COL5A3: variants seen among roughly 807,000 people sequenced by gnomAD.
COL5A3 encodes collagen type V alpha 3 chain, also known as collagen alpha-3(V) chain.
A neutral mutation model predicts 250.0 loss-of-function variants in COL5A3; 172 were observed. The observed-to-expected ratio is 0.69, with a 90% CI of 0.61 to 0.78. The LOEUF (loss-of-function observed/expected upper bound fraction) is 0.78. Among genes scored for constraint, COL5A3 ranks in the 30% least tolerant of loss-of-function variants. COL5A3 has a pLI of 0.00. For missense variants in COL5A3, 2,340 were observed against 2,334.4 expected, an observed-to-expected ratio of 1.00 and a Z score of -0.05; for synonymous variants, 937 against 900.4, an observed-to-expected ratio of 1.04 and a Z score of -0.73.
In COL5A3 at chr19:10,010,362, GCCCA is replaced by G; in HGVS notation, c.20_23del (p.Leu7ProfsTer28). On this transcript the variant is annotated frameshift_variant, in exon 1 of 67. Coordinates refer to ENST00000264828, the MANE Select transcript of COL5A3 (RefSeq NM_015719.4). LOFTEE classifies it high-confidence loss of function. ...GCAGGCAGAGACCGGCCCGCGGCTG[GCCCA>G]GGTCCCGGCGGTTCCCCATCCCGGC... The G allele has an allele frequency of 6.8e-7, 1 of 1,461,772 alleles. No individual in the cohort carries two copies. The highest frequency in any genetic ancestry group is 1.5e-5 in the African/African-American group (1 of 68,158). The allele number at this position is 1,461,772 out of a possible 1,614,324, so 90.6% of individuals were successfully genotyped here. A position where few individuals can be genotyped will look rare whatever the true frequency, so the allele number is the denominator to read the frequency against.
intron 41 of COL5A3, 66 bp downstream of exon 41, chr19:9,978,508 C>G (rs2086955000): frequency 1.8e-6 from 2 of 1,090,084 alleles, no homozygotes; most frequent in East Asian, 4.9e-5. Flanking sequence ...ATGACAATGT[C>G]AAGCTTCCAA....
At position 9,960,660 on chromosome 19, in the gene COL5A3, A is replaced by T. The variant is rs1230861738; in HGVS notation, c.5082T>A (p.Asp1694Glu). 1 of 1,613,798 alleles carries T rather than the reference A, an allele frequency of 6.2e-7. No individual in the cohort carries two copies. Among genetic ancestry groups the T allele is most frequent in the Non-Finnish European group, 8.5e-7 (1 of 1,180,006 alleles). Residue 1694 changes from aspartate to glutamate, a missense_variant, in exon 66 of 67, where the codon GAT becomes GAA. Physicochemically the swap from Asp to Glu is conservative, Grantham distance 45. This residue lies in a region of COL5A3 where 1,179 missense variants were observed against 1,162.6 expected (regional missense o/e 1.01). Coordinates refer to ENST00000264828, the MANE Select transcript of COL5A3 (RefSeq NM_015719.4). ...TTAATVSVPQ[D>E]GCRLRKGQTK... is the part of the protein sequence containing the mutation. ...TGCCCCACCCTCTTACCCGGCAGCC[A>T]TCCTGGGGGACGCTGACAGTGGCTG...
At chr19:9,982,344 G>A (rs1053186187) in intron 31 of COL5A3, among the ~76,000 whole-genome samples, 9 of 152,040 alleles carry the variant, frequency 5.9e-5, no homozygotes, top group Non-Finnish European at 1.3e-4. Context: ...GTCTTTGGCT[G>A]AAATGCTTGT....
rs373840575 is a variant in COL5A3 at position 9,976,624 on chromosome 19, G to C, written c.3289-13C>G. ...GTCCAGGTGGGCCCTGGGAGAACAG[G>C]AAACAGAATCAAAAATTCCCTCAGG... On this transcript the variant is annotated splice_polypyrimidine_tract_variant and intron_variant, in intron 44 of 66. Transcript: ENST00000264828. 1 of 1,573,128 alleles carries C rather than the reference G, an allele frequency of 6.4e-7. No homozygotes were observed. Among genetic ancestry groups the C allele is most frequent in the African/African-American group, 1.4e-5 (1 of 72,698 alleles).
chr19:9,989,280 C>T (rs374068160), intron 26 of COL5A3, 42 bp downstream of exon 26: 15 of 1,613,522 alleles, frequency 9.3e-6, no homozygotes, highest in Admixed American at 3.3e-5. Flanking sequence ...CCCTGCCTCC[C>T]GACCCTCGTC....
chr19:9,967,373 C>A lies in COL5A3; in HGVS notation c.4432G>T (p.Gly1478Ter). Residue 1478 changes from glycine (G) to a stop codon, truncating the protein, a stop_gained, in exon 62 of 67, where the codon GGA becomes TGA. Transcript: ENST00000264828. LOFTEE classifies it high-confidence loss of function. ...PGSMGPRGDTGPAGPPGPPGA... is the reference protein window; with the variant it reads ...PGSMGPRGDT ...GGGGGGCCTGGTGGGCCTGCAGGTCCAGTGTCTCCACGGGGGCCCATGGAC... is the reference window on the plus strand; with the variant it reads ...GGGGGGCCTGGTGGGCCTGCAGGTCAAGTGTCTCCACGGGGGCCCATGGAC... The A allele has an allele frequency of 6.8e-7, 1 of 1,466,362 alleles. No individual in the cohort carries two copies. Among genetic ancestry groups the A allele is most frequent in the Non-Finnish European group, 8.9e-7 (1 of 1,117,706 alleles). The allele number at this position is 1,466,362 out of a possible 1,614,324, so 90.8% of individuals were successfully genotyped here. A position where few individuals can be genotyped will look rare whatever the true frequency, so the allele number is the denominator to read the frequency against.
At chr19:9,997,888 C>G in intron 10 of COL5A3, 96 bp downstream of exon 10, 1 of 1,365,914 alleles carries the variant, frequency 7.3e-7, no homozygotes, top group Non-Finnish European at 1.0e-6. Flanking sequence ...TCCACTTGGC[C>G]AGGCAACATT....
intron 52 of COL5A3, 35 bp from the exon 53 acceptor site, chr19:9,971,063 T>C (rs2086839085): frequency 1.3e-6 from 2 of 1,482,958 alleles, no homozygotes; most frequent in Admixed American, 2.5e-5. Context: ...GGAGGGGTGA[T>C]GAGGGTACGT....
intron 45 of COL5A3, 146 bp from the exon 46 acceptor site, chr19:9,974,554 T>A (rs1313425750): frequency 3.4e-6 from 2 of 582,016 alleles, no homozygotes; most frequent in Non-Finnish European, 5.8e-6. Context: ...GGAGTTGGGG[T>A]CTAGGTTAAG....
In COL5A3 at chr19:9,997,983, C is replaced by T. The variant is rs776131325; in HGVS notation, c.1200+1G>A. On this transcript the variant is annotated splice_donor_variant, in intron 10 of 66. Coordinates refer to ENST00000264828, the MANE Select transcript of COL5A3 (RefSeq NM_015719.4). LOFTEE classifies it high-confidence loss of function. ...AAGAAGGAAACACAGCCATGACTTACTTGGGGTCCTGGGGCTCCTGGAGGT... is the reference window on the plus strand; with the variant it reads ...AAGAAGGAAACACAGCCATGACTTATTTGGGGTCCTGGGGCTCCTGGAGGT... The T allele has an allele frequency of 1.9e-6, 3 of 1,614,092 alleles. No individual in the cohort carries two copies. The highest frequency in any genetic ancestry group is 2.2e-5 in the South Asian group (2 of 91,072).
rs576683390 is a variant in COL5A3 at position 9,960,076 on chromosome 19, TG to T, written c.*334del. ...GGAGTGAGGAGGCAGGCATTGGGGG[TG>T]GGGGGGCTTTTGTTCATCAGCTCTG... On this transcript the variant is annotated 3_prime_UTR_variant, in exon 67 of 67. Coordinates refer to ENST00000264828, the MANE Select transcript of COL5A3 (RefSeq NM_015719.4). 128 of 200,646 alleles carry T rather than the reference TG, an allele frequency of 6.4e-4. No individual in the cohort carries two copies. The highest frequency in any genetic ancestry group is 2.7e-3 in the African/African-American group (67 of 24,944). The allele number at this position is 200,646 out of a possible 1,614,324, so 12.4% of individuals were successfully genotyped here.
intron 65 of COL5A3, among the ~76,000 whole-genome samples, chr19:9,961,748 C>CG (rs1402831652): frequency 2.0e-5 from 3 of 151,746 alleles, no homozygotes; most frequent in South Asian, 2.1e-4. Flanking sequence ...TTAGTAGAGA[C>CG]GGGGTTTCAC....
rs1342264171 is a variant in COL5A3, at chr19:9,989,378, A to T, written c.2047-12T>A. 1.9e-6 allele frequency: 3 copies of T among 1,613,992 alleles called. No individual in the cohort carries two copies. The African/African-American group carries it at 4.0e-5, about 22-fold the overall frequency. On this transcript the variant is annotated splice_polypyrimidine_tract_variant and intron_variant, in intron 25 of 66. Transcript: ENST00000264828. ...TGTCCTGGGTGACCCTGGGGAAGAAACATTCTCAGTTGTCAGAGACCAAAA... is the reference window on the plus strand; with the variant it reads ...TGTCCTGGGTGACCCTGGGGAAGAATCATTCTCAGTTGTCAGAGACCAAAA...
chr19:9,992,879 C>A lies in COL5A3; in HGVS notation c.1796G>T (p.Gly599Val). Reference sequence around the variant, plus strand: ...TCTGGGGCCAAGCAGTCCTCGTGGACCCTGCAAGGGAGCAGGCGAATTATT... The same window carrying A: ...TCTGGGGCCAAGCAGTCCTCGTGGAACCTGCAAGGGAGCAGGCGAATTATT... ...PGPTGQAGEP[G>V]PRGLLGPRGS... Residue 599 changes from glycine to valine, a missense_variant and splice_region_variant, in exon 21 of 67, where the codon GGT becomes GTT. Transcript: ENST00000264828. The A allele has an allele frequency of 6.2e-7, 1 of 1,614,052 alleles. No individual in the cohort carries two copies. The highest frequency in any genetic ancestry group is 8.5e-7 in the Non-Finnish European group (1 of 1,179,918).
chr19:9,968,470 A>G lies in COL5A3; in HGVS notation c.4229T>C (p.Leu1410Pro). The G allele has an allele frequency of 6.3e-7, 1 of 1,587,824 alleles. No individual in the cohort carries two copies. The highest frequency in any genetic ancestry group is 8.5e-7 in the Non-Finnish European group (1 of 1,173,252). Reference sequence around the variant, plus strand: ...ACCAGCTTCTCCCGGGGGGCCAATGAGACCGATCAATCCAATGTGGCCCTG... The same window carrying G: ...ACCAGCTTCTCCCGGGGGGCCAATGGGACCGATCAATCCAATGTGGCCCTG... ...GEKGHIGLIG[L>P]IGPPGEAGEK... The change falls in exon 59 of 67, where the codon CTC (leucine) becomes CCC (proline). Residue 1410 changes from leucine to proline, a missense_variant. Physicochemically the swap from Leu to Pro is moderately conservative, Grantham distance 98 (BLOSUM62 -3). Transcript: ENST00000264828. This position sits in a 1 kb window ranked among gnomAD's most constrained non-coding sequence, Gnocchi z 4.1.
Position 10,004,064 on chromosome 19 carries a change from T to G in COL5A3, c.676A>C (p.Asn226His). 2.5e-6 allele frequency: 4 copies of G among 1,613,760 alleles called. No homozygotes were observed. The highest frequency in any genetic ancestry group is 3.4e-6 in the Non-Finnish European group (4 of 1,179,756). ...ACERYLPDCDNLAPAATVAPQ... is the reference protein window; with the variant it reads ...ACERYLPDCDHLAPAATVAPQ... Reference sequence around the variant, plus strand: ...ACCACTGTGGCTGCCGGTGCCAGGTTGTCACAGTCGGGGAGGTACCGCTCA... The same window carrying G: ...ACCACTGTGGCTGCCGGTGCCAGGTGGTCACAGTCGGGGAGGTACCGCTCA... The change falls in exon 5 of 67, where the codon AAC (asparagine) becomes CAC (histidine). Residue 226 changes from asparagine (N) to histidine (H), a missense_variant. Asn to His is a moderately conservative substitution (Grantham distance 68). Transcript: ENST00000264828.
Position 9,979,407 on chromosome 19 carries a change from C to A in COL5A3, c.2723G>T (p.Gly908Val). 1.2e-6 allele frequency: 2 copies of A among 1,614,142 alleles called. No individual in the cohort carries two copies. Among genetic ancestry groups the A allele is most frequent in the South Asian group, 1.1e-5 (1 of 91,082 alleles). The change falls in exon 38 of 67, where the codon GGT becomes GTT. Residue 908 changes from glycine (G) to valine (V), a missense_variant. Around this residue, in one of 3 missense-constraint regions of COL5A3, gnomAD observed 1,179 missense variants for 1,162.6 expected, o/e 1.01. Coordinates refer to ENST00000264828, the MANE Select transcript of COL5A3 (RefSeq NM_015719.4). ...PGQRGELGFQ[G>V]QTGPPGPAGV... The stretch of plus-strand genomic sequence containing the variant: ...AGCTGGTCCAGGCGGGCCTGTCTGA[C>A]CTTGGAAGCCCTAGAGAGAAAAATT...
intron 24 of COL5A3, among the ~76,000 whole-genome samples, chr19:9,990,913 A>T (rs562933686): frequency 6.6e-6 from 1 of 152,294 alleles, no homozygotes; most frequent in Non-Finnish European, 1.5e-5. Context: ...TAGAAGCTTC[A>T]CAGCCACACC....
Position 9,996,207 on chromosome 19 carries a change from A to G in COL5A3, c.1478T>C (p.Val493Ala). The change falls in exon 14 of 67, where the codon GTG becomes GCG. Residue 493 changes from valine to alanine, a missense_variant and splice_region_variant. Physicochemically the swap from Val to Ala is moderately conservative, Grantham distance 64. Transcript: ENST00000264828. ...PVGLTGRPGP[V>A]GLPGHPGLKG... ...CCTCCACGCAGTCGCCTTACTCACCACAGGGCCTGGGCGCCCAGTGAGCCC... is the reference window on the plus strand; with the variant it reads ...CCTCCACGCAGTCGCCTTACTCACCGCAGGGCCTGGGCGCCCAGTGAGCCC... 6.4e-7 allele frequency: 1 copy of G among 1,572,902 alleles called. No homozygotes were observed. The highest frequency in any genetic ancestry group is 1.2e-5 in the South Asian group (1 of 85,084).
Sources: allele counts gnomAD v4.1 joint callset (sites outside exome capture counted in the v4.1 genomes callset), GRCh38; gene constraint gnomAD v4.1.1; regional missense constraint gnomAD v4.1.1; non-coding constraint Gnocchi (gnomAD v3.1); transcripts MANE v1.5; gene names NCBI Gene and HGNC (gene_info 2026-07-23, HGNC 2026-07-21).